The following GRID1 variants were observed in gnomAD, a reference collection of about 807,000 sequenced individuals.
GRID1 encodes the protein glutamate ionotropic receptor delta type subunit 1.
GRID1 carries 28 observed loss-of-function variants against 98.0 expected under a neutral mutation model. That is an observed-to-expected ratio of 0.29 (90% CI 0.21 to 0.39). The LOEUF (loss-of-function observed/expected upper bound fraction) is 0.39. Among genes scored for constraint, GRID1 ranks in the 10% least tolerant of loss-of-function variants. GRID1 has a pLI of 1.00. For synonymous variants in GRID1, 553 were observed against 538.5 expected (o/e 1.03, Z -0.37); for missense variants, 1,111 against 1,340.5 (o/e 0.83, Z 2.67).
At chr10:85,915,830 T>C (rs1841611764) in intron 5 of GRID1, among the ~76,000 whole-genome samples, 1 of 152,140 alleles carries the variant, frequency 6.6e-6, no homozygotes, top group Admixed American at 6.5e-5. Flanking sequence ...CTCCTACTCA[T>C]TCCTTTGCCC....
At chr10:86,048,582 A>C (rs1474902502) in intron 4 of GRID1, among the ~76,000 whole-genome samples, 1 of 152,232 alleles carries the variant, frequency 6.6e-6, no homozygotes, top group Admixed American at 6.5e-5. Flanking sequence ...CTGAAGCCCC[A>C]GCACATGAGG....
chr10:85,981,786 C>T (rs1299975382), intron 4 of GRID1, among the ~76,000 whole-genome samples: 1 of 152,176 alleles, frequency 6.6e-6, no homozygotes, highest in Non-Finnish European at 1.5e-5. Context: ...TGCAGCAAAA[C>T]ACACATAGCC....
intron 8 of GRID1, among the ~76,000 whole-genome samples, chr10:85,839,982 G>T (rs7091643): frequency 0.27 from 41,315 of 151,878 alleles, 5,814 homozygotes; most frequent in African/African-American, 0.33. Context: ...AATATTTCTA[G>T]GCATATAAGC....
At chr10:86,053,721 G>A (rs1025134187) in intron 4 of GRID1, among the ~76,000 whole-genome samples, 7 of 152,170 alleles carry the variant, frequency 4.6e-5, no homozygotes, top group Non-Finnish European at 1.0e-4. Flanking sequence ...GCTTTCCTCA[G>A]GGGCTGCTGA....
chr10:86,039,060 T>C (rs540135557), intron 4 of GRID1, among the ~76,000 whole-genome samples: 1 of 152,332 alleles, frequency 6.6e-6, no homozygotes, highest in Admixed American at 6.5e-5. Flanking sequence ...TTCTTTCCTT[T>C]AGGTCTTGAA....
At position 85,789,546 on chromosome 10, in the gene GRID1, G is replaced by A. The variant is rs370703216; in HGVS notation, c.1234-59932C>T. ...CTCCCTGTGCAGTGCCCAGATCCAA[G>A]TATGCTTCCTATTATTAAACAGCCC... On this transcript the variant is annotated intron_variant, in intron 8 of 15. Coordinates refer to ENST00000327946, the MANE Select transcript of GRID1 (RefSeq NM_017551.3). Among the ~76,000 whole-genome samples the A allele has an allele frequency of 4.6e-5, 7 of 152,150 alleles. No homozygotes were observed. In the East Asian group the frequency reaches 5.8e-4, roughly 13 times the overall value.
At chr10:85,746,274 G>A (rs1841995851) in intron 8 of GRID1, among the ~76,000 whole-genome samples, 1 of 152,062 alleles carries the variant, frequency 6.6e-6, no homozygotes, top group African/African-American at 2.4e-5. Context: ...GAGTCTTTGG[G>A]GTCCTTTAGA....
intron 12 of GRID1, among the ~76,000 whole-genome samples, chr10:85,714,414 A>T (rs529467674): frequency 1.7e-4 from 26 of 152,034 alleles, no homozygotes; most frequent in Middle Eastern, 3.4e-3. Context: ...GTTTTTTTTT[A>T]AAAAAAGAAA....
At chr10:86,037,383 C>G (rs754496894) in intron 4 of GRID1, among the ~76,000 whole-genome samples, 1 of 152,166 alleles carries the variant, frequency 6.6e-6, no homozygotes, top group Non-Finnish European at 1.5e-5. Context: ...TGGTGTCAGG[C>G]AAGTTTCTCA....
At chr10:86,055,329 T>C (rs943860541) in intron 4 of GRID1, among the ~76,000 whole-genome samples, 4 of 152,230 alleles carry the variant, frequency 2.6e-5, no homozygotes, top group South Asian at 2.1e-4. Flanking sequence ...GATTGAATGT[T>C]TGTGTCCCGA....
chr10:85,851,368 T>C (rs1476871971), intron 8 of GRID1, among the ~76,000 whole-genome samples: 1 of 152,208 alleles, frequency 6.6e-6, no homozygotes, highest in Non-Finnish European at 1.5e-5. Flanking sequence ...GCTGATGATA[T>C]AGACCTTTGA....
intron 4 of GRID1, among the ~76,000 whole-genome samples, chr10:86,130,761 T>C (rs1844823198): frequency 6.6e-6 from 1 of 152,176 alleles, no homozygotes; most frequent in African/African-American, 2.4e-5. Context: ...AGGATCTGAG[T>C]ACCAAGAGGG....
At chr10:86,139,065 T>A in intron 3 of GRID1, 41 bp from the exon 4 acceptor site, 1 of 1,407,000 alleles carries the variant, frequency 7.1e-7, no homozygotes, top group Non-Finnish European at 1.0e-6. Context: ...AAATCATCTT[T>A]AAGTGGGAAT....
rs986792877 is a variant in GRID1 at position 85,672,954 on chromosome 10, A to G, written c.1998-25557T>C. On this transcript the variant is annotated intron_variant, in intron 12 of 15. Transcript: ENST00000327946. Reference sequence around the variant, plus strand: ...CTTCTGATGGATCTGGGCAAAGTAAATTGAAACCTTCTGAAAAGGATTCAC... The same window carrying G: ...CTTCTGATGGATCTGGGCAAAGTAAGTTGAAACCTTCTGAAAAGGATTCAC... Among the ~76,000 whole-genome samples the G allele has an allele frequency of 2.6e-5, 4 of 152,346 alleles. No individual in the cohort carries two copies. The East Asian group carries it at 7.7e-4, about 29-fold the overall frequency.
At chr10:85,773,987 A>G (rs867401749) in intron 8 of GRID1, among the ~76,000 whole-genome samples, 3 of 152,356 alleles carry the variant, frequency 2.0e-5, no homozygotes, top group African/African-American at 7.2e-5. Flanking sequence ...CAAAGTTCAT[A>G]TGGAACCAAA....
chr10:86,131,521 T>C (rs1844838300), intron 4 of GRID1, among the ~76,000 whole-genome samples: 1 of 152,124 alleles, frequency 6.6e-6, no homozygotes, highest in Non-Finnish European at 1.5e-5. Flanking sequence ...GGCCCATGCT[T>C]CAGGTTCACA....
At chr10:86,034,737 G>A (rs1054899055) in intron 4 of GRID1, among the ~76,000 whole-genome samples, 8 of 151,996 alleles carry the variant, frequency 5.3e-5, no homozygotes, top group East Asian at 3.9e-4. Context: ...CCTCATTGGC[G>A]TGTGAGAGTT....
At chr10:86,326,234 C>G (rs1480916902) in intron 2 of GRID1, among the ~76,000 whole-genome samples, 1 of 152,176 alleles carries the variant, frequency 6.6e-6, no homozygotes, top group Non-Finnish European at 1.5e-5. Context: ...ATTAAAGAGA[C>G]CCAAAATAAA....
chr10:85,845,714 T>A (rs1192640908), intron 8 of GRID1, among the ~76,000 whole-genome samples: 1 of 152,182 alleles, frequency 6.6e-6, no homozygotes, highest in East Asian at 1.9e-4. Context: ...ACCTATCTTT[T>A]CAATGGCAGT....
Sources: gnomAD v4.1 joint callset for allele counts (sites outside exome capture counted in the v4.1 genomes callset) on GRCh38, gnomAD v4.1.1 for gene constraint, MANE v1.5 for transcripts, NCBI Gene and HGNC (gene_info 2026-07-23, HGNC 2026-07-21) for gene names.